Variants in DAB1 observed in about 807,000 individuals in gnomAD.
The protein encoded by DAB1 is DAB adaptor protein 1.
In DAB1, 15 loss-of-function variants were observed where a neutral mutation model predicts 64.6. That is an observed-to-expected ratio of 0.23 (90% CI 0.16 to 0.36). The LOEUF is 0.36. DAB1 is among the 10% of genes least tolerant of loss of function. DAB1 has a pLI of 1.00. For synonymous variants in DAB1, 235 were observed against 251.9 expected, an observed-to-expected ratio of 0.93 and a Z score of 0.64; for missense variants, 596 against 706.7, an observed-to-expected ratio of 0.84 and a Z score of 1.78.
chr1:57,446,598 CAAAAAA>C (rs11418380), intron 7 of DAB1, among the ~76,000 whole-genome samples: 2 of 132,796 alleles, frequency 1.5e-5, no homozygotes, highest in African/African-American at 6.1e-5. Flanking sequence ...AACTCCGTTG[CAAAAAA>C]AAAAAAAAAA....
At chr1:58,231,324 A>T (rs1570516658) in intron 4 of DAB1, among the ~76,000 whole-genome samples, 2 of 152,202 alleles carry the variant, frequency 1.3e-5, no homozygotes, top group Admixed American at 6.5e-5. Flanking sequence ...TTACCCAAAC[A>T]TTCTATCATA....
intron 5 of DAB1, among the ~76,000 whole-genome samples, chr1:58,004,482 AG>A (rs1241708152): frequency 6.6e-6 from 1 of 152,164 alleles, no homozygotes; most frequent in African/African-American, 2.4e-5. Flanking sequence ...AATGGGGAGC[AG>A]GACCTCAGTA....
chr1:57,657,222 T>C (rs1646329466), intron 6 of DAB1, among the ~76,000 whole-genome samples: 1 of 152,174 alleles, frequency 6.6e-6, no homozygotes, highest in Non-Finnish European at 1.5e-5. Context: ...AGAGCCACCA[T>C]ATGTAAACAG....
intron 5 of DAB1, among the ~76,000 whole-genome samples, chr1:57,914,231 G>C (rs1470180069): frequency 6.6e-6 from 1 of 152,122 alleles, no homozygotes. Flanking sequence ...TTAAGAAAAT[G>C]TGGCACATAT....
chr1:58,290,686 G>A (rs926791208), intron 4 of DAB1, among the ~76,000 whole-genome samples: 1 of 152,172 alleles, frequency 6.6e-6, no homozygotes, highest in African/African-American at 2.4e-5. Flanking sequence ...GGTCTCACAA[G>A]AAATGTACAT....
intron 1 of DAB1, among the ~76,000 whole-genome samples, chr1:57,369,529 G>A (rs1424270057): frequency 6.6e-6 from 1 of 152,068 alleles, no homozygotes; most frequent in Non-Finnish European, 1.5e-5. Context: ...TCCATGCATT[G>A]GCCTACAAAG....
intron 5 of DAB1, among the ~76,000 whole-genome samples, chr1:57,931,686 T>C (rs1229721441): frequency 6.6e-6 from 1 of 152,228 alleles, no homozygotes; most frequent in Admixed American, 6.5e-5. Context: ...CATGGGATTC[T>C]AGTGATATCT....
chr1:56,998,271 A>T (rs188382182), intron 14 of DAB1, 143 bp from the exon 15 acceptor site: 1 of 152,758 alleles, frequency 6.5e-6, no homozygotes, highest in African/African-American at 2.4e-5. Flanking sequence ...GGAGTATTTG[A>T]TCAGGGTGCA....
At chr1:57,559,170 T>C (rs1295958110) in intron 7 of DAB1, among the ~76,000 whole-genome samples, 1 of 152,226 alleles carries the variant, frequency 6.6e-6, no homozygotes, top group Non-Finnish European at 1.5e-5. Context: ...TGTAGAGCTC[T>C]GGCATTGGCT....
chr1:57,626,348 C>T (rs1004352840), intron 7 of DAB1, among the ~76,000 whole-genome samples: 4 of 152,104 alleles, frequency 2.6e-5, no homozygotes, highest in South Asian at 4.1e-4. Flanking sequence ...GCTATGGTGG[C>T]CTAAATCTAT....
At chr1:58,388,959 A>G (rs1021392621) in intron 3 of DAB1, among the ~76,000 whole-genome samples, 10 of 152,222 alleles carry the variant, frequency 6.6e-5, no homozygotes, top group African/African-American at 2.4e-4. Context: ...TCCATGCTGC[A>G]AGGAGTTCCG....
rs1331106001 is a variant in DAB1 at position 57,921,641 on chromosome 1, G to A, written n.388-37479C>T. ...CAGATCACTTCTTGCCACCTCTGCC[G>A]CCACCATCCTGAGCTGAACCACTGT... On this transcript the variant is annotated intron_variant and non_coding_transcript_variant, in intron 5 of 20. Transcript: ENST00000485760. Among the ~76,000 whole-genome samples the A allele has an allele frequency of 5.3e-5, 8 of 151,356 alleles. 1 individual carries two copies. The highest frequency in any genetic ancestry group is 4.2e-4 in the South Asian group (2 of 4,742).
intron 3 of DAB1, among the ~76,000 whole-genome samples, chr1:58,345,965 C>G (rs1569666434): frequency 6.6e-6 from 1 of 152,248 alleles, no homozygotes; most frequent in African/African-American, 2.4e-5. Flanking sequence ...GGAGAGATTG[C>G]CTGCCTCAGC....
At chr1:58,508,528 G>A (rs1646024529) in intron 2 of DAB1, among the ~76,000 whole-genome samples, 1 of 152,130 alleles carries the variant, frequency 6.6e-6, no homozygotes, top group South Asian at 2.1e-4. Context: ...TAATCTGCGA[G>A]AGCAATTATG....
At chr1:58,018,076 TGTGCTTTTTACTGCATTCTAA>T (rs72400108) in intron 5 of DAB1, among the ~76,000 whole-genome samples, 18,970 of 151,784 alleles carry the variant, frequency 0.12, 1,433 homozygotes, top group East Asian at 0.2. Context: ...TCATGATGCT[TGTGCTTTTTACTGCATTCTAA>T]GTGCTTTTTA....
At chr1:58,367,677 A>G (rs1644229192) in intron 3 of DAB1, among the ~76,000 whole-genome samples, 2 of 152,128 alleles carry the variant, frequency 1.3e-5, no homozygotes, top group Non-Finnish European at 2.9e-5. Context: ...CCTTTCCCAC[A>G]GCATCTCAGA....
At chr1:57,821,314 A>AATG (rs1652108539), downstream of DAB1, among the ~76,000 whole-genome samples, 1 of 152,044 alleles carries the variant, frequency 6.6e-6, no homozygotes, top group Non-Finnish European at 1.5e-5. Context: ...TAATAATAAT[A>AATG]ATAAAAAAAG....
At chr1:57,332,211 G>A (rs1045419442) in intron 1 of DAB1, among the ~76,000 whole-genome samples, 13 of 152,116 alleles carry the variant, frequency 8.5e-5, no homozygotes, top group African/African-American at 1.9e-4. Flanking sequence ...TAATCTGCCC[G>A]CCTTGGCCTC....
chr1:57,697,089 A>T (rs2101724752), intron 6 of DAB1, among the ~76,000 whole-genome samples: 1 of 152,316 alleles, frequency 6.6e-6, no homozygotes, highest in South Asian at 2.1e-4. Context: ...ATATGCAATT[A>T]TCTTGTAATG....
Sources: allele counts gnomAD v4.1 joint callset (sites outside exome capture counted in the v4.1 genomes callset), GRCh38; gene constraint gnomAD v4.1.1; transcripts MANE v1.5; gene names NCBI Gene and HGNC (gene_info 2026-07-23, HGNC 2026-07-21).